ADGRL3: variants seen among roughly 807,000 people sequenced by gnomAD.
ADGRL3 encodes calcium-independent alpha-latrotoxin receptor 3.
Under a neutral mutation model 153.5 loss-of-function variants are expected in ADGRL3, and 62 were observed. That is an observed-to-expected ratio of 0.40 (90% CI 0.33 to 0.50). The LOEUF is 0.50. Ranked by LOEUF, ADGRL3 falls within the 20% of genes least tolerant of loss-of-function variation. The pLI, the probability that ADGRL3 is intolerant of heterozygous loss-of-function variation, is 0.47. For missense variants in ADGRL3, 1,641 were observed against 1,859.4 expected (o/e 0.88, Z 2.16); for synonymous variants, 710 against 672.5 (o/e 1.06, Z -0.86).
intron 19 of ADGRL3, among the ~76,000 whole-genome samples, chr4:61,992,811 T>C (rs1464062872): frequency 2.0e-5 from 3 of 152,198 alleles, no homozygotes; most frequent in Non-Finnish European, 2.9e-5. Context: ...AAATAAAGCA[T>C]TGGCTAAGCT....
chr4:61,737,284 A>G (rs987108338), intron 8 of ADGRL3, among the ~76,000 whole-genome samples: 19 of 152,164 alleles, frequency 1.2e-4, no homozygotes, highest in African/African-American at 4.6e-4. Context: ...CTGTATTCCA[A>G]TCAATGAAAA....
At chr4:61,778,592 C>T (rs920656674) in intron 8 of ADGRL3, among the ~76,000 whole-genome samples, 2 of 152,182 alleles carry the variant, frequency 1.3e-5, no homozygotes, top group Non-Finnish European at 1.5e-5. Context: ...ATTTATCCAA[C>T]TATGCCCTTT....
chr4:61,408,805 G>GGAT (rs148798825), intron 2 of ADGRL3, among the ~76,000 whole-genome samples: 2,802 of 151,984 alleles, frequency 0.018, 37 homozygotes, highest in Non-Finnish European at 0.03. Flanking sequence ...CACTGAGTTT[G>GGAT]GATGATGCTA....
intron 1 of ADGRL3, among the ~76,000 whole-genome samples, chr4:61,286,097 A>C: frequency 6.6e-6 from 1 of 151,510 alleles, no homozygotes; most frequent in Non-Finnish European, 1.5e-5. Flanking sequence ...AAATATATTA[A>C]AATATTTTGA....
At chr4:61,800,173 A>G (rs1329320353) in intron 8 of ADGRL3, among the ~76,000 whole-genome samples, 1 of 152,214 alleles carries the variant, frequency 6.6e-6, no homozygotes, top group Non-Finnish European at 1.5e-5. Flanking sequence ...CTTCTTAACC[A>G]TCTGTAACAA....
intron 4 of ADGRL3, among the ~76,000 whole-genome samples, chr4:61,580,880 A>G (rs1186011900): frequency 1.3e-5 from 2 of 151,982 alleles, no homozygotes; most frequent in Non-Finnish European, 2.9e-5. Context: ...GAAATCACAT[A>G]CTCATTTATA....
intron 8 of ADGRL3, among the ~76,000 whole-genome samples, chr4:61,745,584 C>A (rs58930941): frequency 0.026 from 3,950 of 152,094 alleles, 62 homozygotes; most frequent in East Asian, 0.099. Flanking sequence ...AATTTTCAAC[C>A]CAGAATTTCA....
intron 8 of ADGRL3, among the ~76,000 whole-genome samples, chr4:61,756,956 C>G (rs975325646): frequency 3.9e-5 from 6 of 152,150 alleles, no homozygotes; most frequent in Non-Finnish European, 5.9e-5. Context: ...AGACTTGTAT[C>G]CCAGGGATGA....
intron 2 of ADGRL3, among the ~76,000 whole-genome samples, chr4:61,448,850 A>AAGGGAGGGAGGGAAGGAAGGGG: frequency 1.1e-4 from 1 of 9,120 alleles, no homozygotes; most frequent in African/African-American, 1.7e-4. Flanking sequence ...GAAGGAAGGG[A>AAGGGAGGGAGGGAAGGAAGGGG]AGGAAGGGAG....
chr4:61,844,840 A>T (rs1277151263), intron 9 of ADGRL3, among the ~76,000 whole-genome samples: 1 of 151,222 alleles, frequency 6.6e-6, no homozygotes, highest in Admixed American at 6.6e-5. Flanking sequence ...CAGCTCCCTC[A>T]CTCCCTTCTG....
rs1432149253 is a variant in ADGRL3 at position 61,957,521 on chromosome 4, C to T, written c.2805+9245C>T. ...AGGATTACTTATTAATTTAATGGTA[C>T]ATTTTTTTCTCTCTTGGTTACATTT... is the stretch of plus-strand genomic sequence containing the variant. On this transcript the variant is annotated intron_variant, in intron 17 of 26. Transcript: ENST00000683033. Among the ~76,000 whole-genome samples the T allele has an allele frequency of 2.7e-5, 4 of 150,442 alleles. No homozygotes were observed. In the Admixed American group the frequency reaches 2.7e-4, roughly 10 times the overall value.
At chr4:61,894,343 G>T (rs1010601145) in intron 10 of ADGRL3, among the ~76,000 whole-genome samples, 3 of 151,766 alleles carry the variant, frequency 2.0e-5, no homozygotes, top group African/African-American at 7.3e-5. Flanking sequence ...AAGACCAAAG[G>T]GTATCTTGGT....
intron 6 of ADGRL3, among the ~76,000 whole-genome samples, chr4:61,728,861 G>C (rs2096392686): frequency 6.6e-6 from 1 of 151,912 alleles, no homozygotes. Context: ...TCTGAATATA[G>C]GTTTGTGATT....
chr4:61,466,285 C>T (rs1386034419), intron 2 of ADGRL3, among the ~76,000 whole-genome samples: 1 of 152,054 alleles, frequency 6.6e-6, no homozygotes, highest in African/African-American at 2.4e-5. Flanking sequence ...TATCAGAATA[C>T]AAATTTTAGA....
chr4:61,347,974 T>C (rs943936091), intron 1 of ADGRL3, among the ~76,000 whole-genome samples: 2 of 152,220 alleles, frequency 1.3e-5, no homozygotes, highest in Admixed American at 1.3e-4. Flanking sequence ...CCACCCCTAG[T>C]GAATCATTTC....
At chr4:61,779,558 C>T (rs1359368780) in intron 8 of ADGRL3, among the ~76,000 whole-genome samples, 2 of 144,268 alleles carry the variant, frequency 1.4e-5, no homozygotes, top group African/African-American at 5.2e-5. Flanking sequence ...TGCTTGAACC[C>T]AGAGGTGGAG....
intron 2 of ADGRL3, among the ~76,000 whole-genome samples, chr4:61,467,186 G>A (rs1329541961): frequency 6.6e-6 from 1 of 152,032 alleles, no homozygotes; most frequent in Admixed American, 6.6e-5. Flanking sequence ...ATGTTCATAA[G>A]AGAAGTGTAA....
intron 8 of ADGRL3, among the ~76,000 whole-genome samples, chr4:61,748,557 A>T (rs36153269): frequency 1.1e-4 from 16 of 151,958 alleles, no homozygotes; most frequent in East Asian, 3.9e-4. Context: ...ATAACGCTGC[A>T]TATCTACAAC....
At position 61,409,325 on chromosome 4, in the gene ADGRL3, A is replaced by G. The variant is rs560377062; in HGVS notation, c.-174+26136A>G. 4.4e-5 allele frequency among the ~76,000 whole-genome samples: 6 copies of G among 135,930 alleles called. No individual in the cohort carries two copies. The South Asian group carries it at 1.3e-3, about 30-fold the overall frequency. 89.2% of individuals were successfully genotyped at this position (135,930 alleles called of 152,430 possible). A position where few individuals can be genotyped will look rare whatever the true frequency, so the allele number is the denominator to read the frequency against. ...CCATTATATATAATATATATTAGAC[A>G]TATATATTAGACATATATAATAGAT... On this transcript the variant is annotated intron_variant, in intron 2 of 26. Transcript: ENST00000683033.
Sources: gnomAD v4.1 joint callset for allele counts (sites outside exome capture counted in the v4.1 genomes callset) on GRCh38, gnomAD v4.1.1 for gene constraint, MANE v1.5 for transcripts, NCBI Gene and HGNC (gene_info 2026-07-23, HGNC 2026-07-21) for gene names.